Variants in KCNN2 observed in about 807,000 individuals in gnomAD.
The protein encoded by KCNN2 is potassium calcium-activated channel subfamily N member 2.
Under a neutral mutation model 55.5 loss-of-function variants are expected in KCNN2, and 24 were observed. The observed-to-expected ratio is 0.43, with a 90% CI of 0.31 to 0.61. The LOEUF is 0.61. Among genes scored for constraint, KCNN2 ranks in the 20% least tolerant of loss-of-function variants. The pLI is 0.08. For missense variants in KCNN2, 754 were observed against 853.6 expected (o/e 0.88, Z 1.45); for synonymous variants, 431 against 336.1 (o/e 1.28, Z -3.09).
At chr5:114,473,335 T>C in intron 5 of KCNN2, 171 bp downstream of exon 5, 1 of 603,118 alleles carries the variant, frequency 1.7e-6, no homozygotes, top group South Asian at 2.0e-5. Flanking sequence ...TATTTCTACC[T>C]TGAGGTCAGT....
intron 1 of KCNN2, among the ~76,000 whole-genome samples, chr5:114,177,234 A>AT (rs886680058): frequency 6.8e-6 from 1 of 147,122 alleles, no homozygotes; most frequent in Non-Finnish European, 1.5e-5. Flanking sequence ...GCCTCCCGGG[A>AT]TCACGCCATT....
intron 3 of KCNN2, among the ~76,000 whole-genome samples, chr5:114,425,387 C>G (rs1278627059): frequency 6.6e-6 from 1 of 152,192 alleles, no homozygotes; most frequent in Admixed American, 6.5e-5. Flanking sequence ...AATTTCTGGA[C>G]ACCTCCTACT....
At chr5:114,197,751 G>T (rs1471457084) in intron 1 of KCNN2, among the ~76,000 whole-genome samples, 1 of 152,112 alleles carries the variant, frequency 6.6e-6, no homozygotes, top group East Asian at 1.9e-4. Flanking sequence ...GTTTCAAACG[G>T]GCTGCTGAAG....
intron 2 of KCNN2, among the ~76,000 whole-genome samples, chr5:114,321,892 T>G (rs1756620174): frequency 6.6e-6 from 1 of 152,086 alleles, no homozygotes; most frequent in African/African-American, 2.4e-5. Context: ...TCAGGTGATC[T>G]GCCTGCCTCG....
At position 114,442,492 on chromosome 5, in the gene KCNN2, G is replaced by A. The variant is rs572304257; in HGVS notation, c.1638-20557G>A. ...TGAACTTTGGCAAGTCCCTTCACCA[G>A]GCTGAACCTCAGTTTCCTCAGTGAT... On this transcript the variant is annotated intron_variant, in intron 3 of 7. Coordinates refer to ENST00000673685, the MANE Select transcript of KCNN2 (RefSeq NM_021614.4). Among the ~76,000 whole-genome samples, 20 of 152,224 alleles carry A rather than the reference G, an allele frequency of 1.3e-4. 1 individual carries two copies. The South Asian group carries it at 3.9e-3, about 30-fold the overall frequency.
At chr5:114,078,392 A>T (rs1750728280) in intron 1 of KCNN2, among the ~76,000 whole-genome samples, 3 of 152,230 alleles carry the variant, frequency 2.0e-5, no homozygotes, top group Admixed American at 2.0e-4. Context: ...TCCTGTTTAC[A>T]TCACTAATTC....
chr5:114,068,471 C>T (rs1461607693), intron 1 of KCNN2, among the ~76,000 whole-genome samples: 1 of 152,206 alleles, frequency 6.6e-6, no homozygotes, highest in Non-Finnish European at 1.5e-5. Context: ...ACACCTTGGC[C>T]TCACATTCAC....
intron 1 of KCNN2, among the ~76,000 whole-genome samples, chr5:114,172,608 T>C (rs1399930910): frequency 6.7e-6 from 1 of 148,306 alleles, no homozygotes; most frequent in Non-Finnish European, 1.5e-5. Context: ...ATATATATTA[T>C]AGTTTATATA....
intron 2 of KCNN2, among the ~76,000 whole-genome samples, chr5:114,369,590 T>A (rs1370696273): frequency 6.6e-6 from 1 of 152,032 alleles, no homozygotes; most frequent in Non-Finnish European, 1.5e-5. Flanking sequence ...CTTTGTTGAG[T>A]GGTGTTCAGC....
intron 3 of KCNN2, among the ~76,000 whole-genome samples, chr5:114,411,772 T>G (rs1395940327): frequency 6.6e-6 from 1 of 152,142 alleles, no homozygotes; most frequent in Non-Finnish European, 1.5e-5. Flanking sequence ...TGGATCTTCC[T>G]CACTCAGTTC....
chr5:114,156,122 C>T (rs895929786), intron 1 of KCNN2, among the ~76,000 whole-genome samples: 1 of 152,112 alleles, frequency 6.6e-6, no homozygotes, highest in African/African-American at 2.4e-5. Context: ...TATCCTAGCA[C>T]CATTTATTGA....
chr5:114,234,301 G>T (rs1754427557), intron 2 of KCNN2, among the ~76,000 whole-genome samples: 1 of 152,090 alleles, frequency 6.6e-6, no homozygotes, highest in Non-Finnish European at 1.5e-5. Flanking sequence ...TGTAAGATCA[G>T]AATTTCCAAT....
intron 4 of KCNN2, among the ~76,000 whole-genome samples, chr5:114,466,781 T>C (rs1260060436): frequency 6.6e-6 from 1 of 152,144 alleles, no homozygotes; most frequent in Non-Finnish European, 1.5e-5. Flanking sequence ...GGTTCTCTAA[T>C]AGTGATTTAT....
chr5:114,084,929 A>G (rs1750981483), intron 1 of KCNN2, among the ~76,000 whole-genome samples: 1 of 151,780 alleles, frequency 6.6e-6, no homozygotes, highest in African/African-American at 2.4e-5. Context: ...TCTCCTTTGA[A>G]TTGCCTTTAC....
At chr5:114,287,051 G>A (rs1223549713) in intron 2 of KCNN2, among the ~76,000 whole-genome samples, 1 of 152,210 alleles carries the variant, frequency 6.6e-6, no homozygotes, top group African/African-American at 2.4e-5. Context: ...CAGTTAGTAA[G>A]CTCAGAATCG....
chr5:114,348,952 A>G (rs976265551), intron 2 of KCNN2, among the ~76,000 whole-genome samples: 11 of 151,930 alleles, frequency 7.2e-5, no homozygotes, highest in African/African-American at 2.2e-4. Flanking sequence ...TGTATAAATC[A>G]ATAGTTTTTA....
intron 2 of KCNN2, among the ~76,000 whole-genome samples, chr5:114,304,693 C>G (rs1756233394): frequency 6.6e-6 from 1 of 152,218 alleles, no homozygotes; most frequent in African/African-American, 2.4e-5. Flanking sequence ...AGAACTCTTG[C>G]CAGAATGGCA....
intron 1 of KCNN2, among the ~76,000 whole-genome samples, chr5:114,109,728 C>T (rs1011014184): frequency 6.6e-6 from 1 of 152,050 alleles, no homozygotes; most frequent in African/African-American, 2.4e-5. Flanking sequence ...TCCTTAATGT[C>T]TCAACAGAAA....
chr5:114,395,785 T>G (rs1758596526), intron 2 of KCNN2, among the ~76,000 whole-genome samples: 1 of 152,168 alleles, frequency 6.6e-6, no homozygotes, highest in Admixed American at 6.5e-5. Context: ...GACAGTTCTT[T>G]CCTTCCTGCT....
Sources: gnomAD v4.1 joint callset for allele counts (sites outside exome capture counted in the v4.1 genomes callset) on GRCh38, gnomAD v4.1.1 for gene constraint, MANE v1.5 for transcripts, NCBI Gene and HGNC (gene_info 2026-07-23, HGNC 2026-07-21) for gene names.